SGCZ: variants seen among roughly 807,000 people sequenced by gnomAD.
SGCZ encodes zeta-sarcoglycan.
A neutral mutation model predicts 41.3 loss-of-function variants in SGCZ; 40 were observed. The ratio of observed to expected loss-of-function variants is 0.97; its 90% CI spans 0.75 to 1.26. The LOEUF is 1.26. Ranked by LOEUF, SGCZ falls within the 50% of genes most tolerant of loss-of-function variation. SGCZ has a pLI of 0.00. For synonymous variants in SGCZ, 206 were observed against 137.5 expected (o/e 1.50, Z -3.49); for missense variants, 552 against 369.8 (o/e 1.49, Z -4.04).
At chr8:15,141,041 A>C (rs1257323998) in intron 1 of SGCZ, among the ~76,000 whole-genome samples, 1 of 152,240 alleles carries the variant, frequency 6.6e-6, no homozygotes, top group Non-Finnish European at 1.5e-5. Context: ...CTCTGGCTAC[A>C]TCTTACATTT....
chr8:14,792,305 AT>A (rs1259059455), intron 1 of SGCZ, among the ~76,000 whole-genome samples: 2 of 152,208 alleles, frequency 1.3e-5, no homozygotes, highest in Non-Finnish European at 2.9e-5. Flanking sequence ...ACACTAATCA[AT>A]ATAGGTTACA....
intron 1 of SGCZ, among the ~76,000 whole-genome samples, chr8:14,798,661 A>G (rs1044515026): frequency 8.5e-5 from 13 of 152,160 alleles, no homozygotes; most frequent in African/African-American, 2.2e-4. Flanking sequence ...AATAATTTTA[A>G]AATACTTACA....
intron 2 of SGCZ, among the ~76,000 whole-genome samples, chr8:14,491,325 A>G (rs372803592): frequency 2.5e-4 from 38 of 150,316 alleles, no homozygotes; most frequent in African/African-American, 8.1e-4. Flanking sequence ...AAAATACTCT[A>G]CAGGCAAAAA....
intron 2 of SGCZ, among the ~76,000 whole-genome samples, chr8:14,350,956 T>C (rs1803068516): frequency 1.3e-5 from 2 of 152,168 alleles, no homozygotes; most frequent in South Asian, 4.1e-4. Flanking sequence ...TTTTCCGTGT[T>C]GGATAAAACC....
intron 1 of SGCZ, among the ~76,000 whole-genome samples, chr8:14,596,249 T>C (rs1205095226): frequency 2.0e-5 from 3 of 152,192 alleles, no homozygotes; most frequent in Non-Finnish European, 4.4e-5. Flanking sequence ...GCTTCTCCAA[T>C]TAGGTTATGG....
At chr8:14,978,824 G>C (rs1027424789) in intron 1 of SGCZ, among the ~76,000 whole-genome samples, 1 of 151,982 alleles carries the variant, frequency 6.6e-6, no homozygotes, top group African/African-American at 2.4e-5. Flanking sequence ...TTTGAGATGG[G>C]GTCTCAGTCT....
At chr8:14,393,078 A>G (rs1181067706) in intron 2 of SGCZ, among the ~76,000 whole-genome samples, 2 of 152,188 alleles carry the variant, frequency 1.3e-5, no homozygotes, top group Non-Finnish European at 2.9e-5. Context: ...ACGTATAAAG[A>G]AGTGCCTATG....
intron 4 of SGCZ, among the ~76,000 whole-genome samples, chr8:14,193,217 A>G (rs1331452688): frequency 6.6e-6 from 1 of 151,914 alleles, no homozygotes; most frequent in Admixed American, 6.6e-5. Context: ...TGCCATGTAT[A>G]TGTCTACCTT....
At chr8:14,325,226 C>A (rs1436991780) in intron 2 of SGCZ, among the ~76,000 whole-genome samples, 1 of 151,940 alleles carries the variant, frequency 6.6e-6, no homozygotes, top group Non-Finnish European at 1.5e-5. Context: ...ACTAATAATG[C>A]ATAATTGCGT....
At chr8:15,128,648 C>T (rs1486292111) in intron 1 of SGCZ, among the ~76,000 whole-genome samples, 1 of 152,190 alleles carries the variant, frequency 6.6e-6, no homozygotes, top group Non-Finnish European at 1.5e-5. Context: ...AATAAATCCT[C>T]CCATAGTTTG....
intron 1 of SGCZ, among the ~76,000 whole-genome samples, chr8:14,784,724 G>A (rs777813651): frequency 7.3e-5 from 11 of 150,774 alleles, no homozygotes; most frequent in Middle Eastern, 3.4e-3. Context: ...GAGAAACCCC[G>A]TCTCTACTAA....
intron 4 of SGCZ, among the ~76,000 whole-genome samples, chr8:14,226,427 G>T (rs932323047): frequency 2.6e-5 from 4 of 152,022 alleles, no homozygotes; most frequent in Admixed American, 2.6e-4. Flanking sequence ...AACTACGCAT[G>T]AATCTGGTTT....
intron 1 of SGCZ, among the ~76,000 whole-genome samples, chr8:14,663,616 G>C (rs1807822017): frequency 6.6e-6 from 1 of 152,072 alleles, no homozygotes; most frequent in Admixed American, 6.6e-5. Flanking sequence ...ATAGCATTTA[G>C]ACCAGCACCT....
At chr8:14,929,843 C>G (rs565221743) in intron 1 of SGCZ, among the ~76,000 whole-genome samples, 18 of 152,088 alleles carry the variant, frequency 1.2e-4, no homozygotes, top group African/African-American at 3.9e-4. Flanking sequence ...ATTATTTCAA[C>G]AGAATGACAG....
intron 1 of SGCZ, among the ~76,000 whole-genome samples, chr8:14,795,370 A>G (rs1327594477): frequency 1.3e-5 from 2 of 152,154 alleles, no homozygotes; most frequent in Non-Finnish European, 2.9e-5. Flanking sequence ...TATGACTTCA[A>G]TTTCTTCTGA....
At chr8:14,253,703 A>G (rs1042389383) in intron 3 of SGCZ, among the ~76,000 whole-genome samples, 2 of 152,152 alleles carry the variant, frequency 1.3e-5, no homozygotes, top group Non-Finnish European at 2.9e-5. Context: ...GCTATGTCTT[A>G]TTTATATATG....
intron 1 of SGCZ, among the ~76,000 whole-genome samples, chr8:15,073,309 C>G (rs1237564567): frequency 1.3e-5 from 2 of 152,102 alleles, no homozygotes; most frequent in Non-Finnish European, 2.9e-5. Flanking sequence ...ATTTCATTTC[C>G]TAGTGCTATC....
chr8:14,184,844 CT>C (rs1289783796), intron 4 of SGCZ, among the ~76,000 whole-genome samples: 4 of 152,046 alleles, frequency 2.6e-5, no homozygotes, highest in African/African-American at 4.8e-5. Flanking sequence ...AAAAGTGCCC[CT>C]CTAACTTAAA....
chr8:15,222,442 A>G (rs1801634843), intron 1 of SGCZ, among the ~76,000 whole-genome samples: 1 of 151,436 alleles, frequency 6.6e-6, no homozygotes, highest in South Asian at 2.1e-4. Flanking sequence ...ATTCCTGCCT[A>G]TGAAAAAAAA....
Sources: gnomAD v4.1 joint callset for allele counts (sites outside exome capture counted in the v4.1 genomes callset) on GRCh38, gnomAD v4.1.1 for gene constraint, MANE v1.5 for transcripts, NCBI Gene and HGNC (gene_info 2026-07-23, HGNC 2026-07-21) for gene names.